The following ELOB variants were observed in gnomAD, a reference collection of about 807,000 sequenced individuals.
ELOB encodes elongin B.
ELOB carries 3 observed loss-of-function variants against 12.9 expected under a neutral mutation model. The ratio of observed to expected loss-of-function variants is 0.23; its 90% CI spans 0.11 to 0.60. The LOEUF is 0.60. ELOB is among the 20% of genes least tolerant of loss of function. The pLI is 0.89. For synonymous variants in ELOB, 84 were observed against 67.4 expected (o/e 1.25, Z -1.21); for missense variants, 126 against 159.2 (o/e 0.79, Z 1.12).
intron 2 of ELOB, among the ~76,000 whole-genome samples, chr16:2,775,961 G>A (rs929634353): frequency 1.3e-5 from 2 of 152,114 alleles, no homozygotes; most frequent in Admixed American, 1.3e-4. Context: ...CGCTATCATA[G>A]CCCCCTCCAG....
intron 3 of ELOB, among the ~76,000 whole-genome samples, chr16:2,773,707 A>G (rs1164838519): frequency 6.6e-6 from 1 of 152,170 alleles, no homozygotes; most frequent in African/African-American, 2.4e-5. Context: ...CGGAGTCACC[A>G]CCACATTCCA....
Position 2,771,554 on chromosome 16 carries a change from C to G in ELOB, c.*436G>C. ...ACATGCTGTCAAACCAGGACACTGG[C>G]TCCAGCTTGTGTTTCTGCTCTTGGC... On this transcript the variant is annotated 3_prime_UTR_variant, in exon 4 of 4. Coordinates refer to ENST00000409906, the MANE Select transcript of ELOB (RefSeq NM_007108.4). 6.2e-7 allele frequency: 1 copy of G among 1,614,142 alleles called. No individual in the cohort carries two copies. The highest frequency in any genetic ancestry group is 1.3e-5 in the African/African-American group (1 of 75,024).
At chr16:2,775,639 C>A (rs939504937) in intron 2 of ELOB, 83 bp from the exon 3 acceptor site, 1 of 1,111,704 alleles carries the variant, frequency 9.0e-7, no homozygotes, top group Non-Finnish European at 1.3e-6. Context: ...CACGGGAAGT[C>A]AGAGGAGGGA....
intron 2 of ELOB, among the ~76,000 whole-genome samples, chr16:2,776,683 C>T (rs2068802707): frequency 1.3e-5 from 2 of 152,254 alleles, no homozygotes; most frequent in Non-Finnish European, 2.9e-5. Flanking sequence ...TGACCTTTGG[C>T]TGGTTAAGCG....
At chr16:2,776,750 G>C (rs974999252) in intron 2 of ELOB, among the ~76,000 whole-genome samples, 3 of 152,254 alleles carry the variant, frequency 2.0e-5, no homozygotes, top group Non-Finnish European at 2.9e-5. Flanking sequence ...CGTTGCAGGG[G>C]TTGCATGCCA....
rs754525323 is a variant in ELOB, at chr16:2,776,956, G to A, written c.138+37C>T. ...AGGCGTCAGCCCCGTGCCCGGCGCC[G>A]GGTACCCGCTCCCCTCGGCCCGCCC... On this transcript the variant is annotated intron_variant, in intron 2 of 3. Transcript: ENST00000409906. 169 of 1,532,780 alleles carry A rather than the reference G, an allele frequency of 1.1e-4. 2 individuals are homozygous for A. The highest frequency in any genetic ancestry group is 1.1e-3 in the South Asian group (92 of 83,908). 94.9% of individuals were successfully genotyped at this position (1,532,780 alleles called of 1,614,324 possible).
chr16:2,772,153 G>A, intron 3 of ELOB, 51 bp from the exon 4 acceptor site: 1 of 1,519,212 alleles, frequency 6.6e-7, no homozygotes, highest in Non-Finnish European at 8.8e-7. Flanking sequence ...TCTTGCCCCA[G>A]CTGGGGCCTT....
At chr16:2,775,633 G>T in intron 2 of ELOB, 77 bp from the exon 3 acceptor site, 1 of 1,158,678 alleles carries the variant, frequency 8.6e-7, no homozygotes, top group Non-Finnish European at 1.2e-6. Flanking sequence ...CAACTACACG[G>T]GAAGTCAGAG....
chr16:2,774,449 AG>A (rs2150784636), intron 3 of ELOB, among the ~76,000 whole-genome samples: 1 of 152,322 alleles, frequency 6.6e-6, no homozygotes, highest in Non-Finnish European at 1.5e-5. Flanking sequence ...CCCTTTAAGG[AG>A]AAGGGAACAC....
chr16:2,777,195 C>T (rs1052952599), intron 1 of ELOB, 42 bp downstream of exon 1: 7 of 1,005,408 alleles, frequency 7.0e-6, no homozygotes, highest in Middle Eastern at 9.8e-4. Flanking sequence ...CCCCCCGCCG[C>T]CCCCGGCCCG....
chr16:2,772,890 A>G (rs966248079), intron 3 of ELOB, among the ~76,000 whole-genome samples: 17 of 151,908 alleles, frequency 1.1e-4, no homozygotes, highest in Non-Finnish European at 2.2e-4. Context: ...AGACCTTCGC[A>G]CTTGCTGGTC....
chr16:2,775,891 T>A (rs1220217915), intron 2 of ELOB, among the ~76,000 whole-genome samples: 3 of 152,190 alleles, frequency 2.0e-5, no homozygotes, highest in Non-Finnish European at 4.4e-5. Flanking sequence ...CATTTTTTTA[T>A]TTTAGAGACA....
intron 3 of ELOB, among the ~76,000 whole-genome samples, chr16:2,772,954 ACCT>A (rs947281816): frequency 1.3e-5 from 2 of 151,980 alleles, no homozygotes; most frequent in Non-Finnish European, 2.9e-5. Context: ...AACTCAGGTC[ACCT>A]CCTCAGATGA....
chr16:2,774,277 G>A (rs1344502062), intron 3 of ELOB, among the ~76,000 whole-genome samples: 1 of 152,238 alleles, frequency 6.6e-6, no homozygotes, highest in Non-Finnish European at 1.5e-5. Context: ...CACGACCTGT[G>A]TCTATGCCAG....
intron 3 of ELOB, among the ~76,000 whole-genome samples, chr16:2,773,515 AG>A (rs1196439624): frequency 4.6e-5 from 7 of 151,662 alleles, no homozygotes. Context: ...AGCTTGGGGG[AG>A]GGGAGAGGCG....
Position 2,771,426 on chromosome 16 carries a change from C to CTGTT in ELOB, c.*560_*563dup, listed in dbSNP as rs759557375. 1.4e-5 allele frequency: 22 copies of CTGTT among 1,613,494 alleles called. No homozygotes were observed. The East Asian group carries it at 4.5e-4, about 33-fold the overall frequency. ...GAAATGCAGGAACTGGGTCTGTAGA[C>CTGTT]TGTTTATTAAAGGTGTGTTAAGGGG... On this transcript the variant is annotated 3_prime_UTR_variant, in exon 4 of 4. Coordinates refer to ENST00000409906, the MANE Select transcript of ELOB (RefSeq NM_007108.4).
intron 2 of ELOB, among the ~76,000 whole-genome samples, chr16:2,776,416 A>C (rs2068800456): frequency 6.6e-6 from 1 of 152,168 alleles, no homozygotes; most frequent in African/African-American, 2.4e-5. Flanking sequence ...GCAGACCCCA[A>C]ACCCCAAGCC....
rs1366362632 is a variant in ELOB, at chr16:2,771,714, C to T, written c.*276G>A. On this transcript the variant is annotated 3_prime_UTR_variant, in exon 4 of 4. Transcript: ENST00000409906. ...CTCCCAGTCCTTCCCTTTCCTCCCC[C>T]TGGCGTGGTTGGTGTGGCTGGCTAG... 1.3e-6 allele frequency: 2 copies of T among 1,562,556 alleles called. No homozygotes were observed. The highest frequency in any genetic ancestry group is 2.7e-5 in the African/African-American group (2 of 73,792).
intron 3 of ELOB, among the ~76,000 whole-genome samples, chr16:2,774,545 G>A (rs1017710192): frequency 9.9e-5 from 15 of 152,220 alleles, no homozygotes; most frequent in African/African-American, 3.6e-4. Flanking sequence ...CTTATGGAAC[G>A]GAAAGGTGGA....
Sources: gnomAD v4.1 joint callset for allele counts (sites outside exome capture counted in the v4.1 genomes callset) on GRCh38, gnomAD v4.1.1 for gene constraint, MANE v1.5 for transcripts, NCBI Gene and HGNC (gene_info 2026-07-23, HGNC 2026-07-21) for gene names.